TENM3: variants seen among roughly 807,000 people sequenced by gnomAD.
The protein encoded by TENM3 is teneurin transmembrane protein 3, also known as teneurin-3.
In TENM3, 63 loss-of-function variants were observed where a neutral mutation model predicts 255.1. The ratio of observed to expected loss-of-function variants is 0.25; its 90% CI spans 0.20 to 0.30. The LOEUF is 0.30. Among genes scored for constraint, TENM3 ranks in the 10% least tolerant of loss-of-function variants. TENM3 has a pLI of 1.00. For synonymous variants in TENM3, 1,306 were observed against 1,322.3 expected (o/e 0.99, Z 0.27); for missense variants, 2,929 against 3,461.1 (o/e 0.85, Z 3.86).
chr4:181,972,233 G>A, the TENM3 span, among the ~76,000 whole-genome samples: 1 of 151,792 alleles, frequency 6.6e-6, no homozygotes, highest in Non-Finnish European at 1.5e-5. Flanking sequence ...ACAAGCCTGG[G>A]CAGCAAGATA....
intron 3 of TENM3, among the ~76,000 whole-genome samples, chr4:182,404,072 G>A (rs950437307): frequency 6.6e-6 from 1 of 152,108 alleles, no homozygotes; most frequent in Admixed American, 6.6e-5. Context: ...TATTATCATC[G>A]TGCTTTAGAA....
intron 1 of TENM3, among the ~76,000 whole-genome samples, chr4:182,198,594 C>T (rs1349235352): frequency 6.6e-6 from 1 of 152,160 alleles, no homozygotes. Context: ...ACAAATGGCC[C>T]TGGGATGTGG....
chr4:182,332,735 T>C (rs1201008269), intron 2 of TENM3, among the ~76,000 whole-genome samples: 1 of 145,242 alleles, frequency 6.9e-6, no homozygotes, highest in African/African-American at 2.5e-5. Context: ...AAGAAATGAG[T>C]AGAGTACAAT....
the TENM3 span, among the ~76,000 whole-genome samples, chr4:181,931,327 C>G: frequency 2.0e-5 from 3 of 152,154 alleles, no homozygotes; most frequent in Non-Finnish European, 4.4e-5. Flanking sequence ...TCTCAAGATA[C>G]AAAATCAATA....
At chr4:182,558,939 G>C (rs1218194458) in intron 3 of TENM3, among the ~76,000 whole-genome samples, 1 of 152,060 alleles carries the variant, frequency 6.6e-6, no homozygotes, top group Non-Finnish European at 1.5e-5. Flanking sequence ...TGCCCATGCT[G>C]ATCCACCCTT....
At chr4:181,488,827 A>C in the TENM3 span, among the ~76,000 whole-genome samples, 1 of 152,164 alleles carries the variant, frequency 6.6e-6, no homozygotes, top group Non-Finnish European at 1.5e-5. Flanking sequence ...GAGCCACCAA[A>C]TAATACCGCT....
the TENM3 span, among the ~76,000 whole-genome samples, chr4:182,058,096 A>T: frequency 6.8e-6 from 1 of 147,408 alleles, no homozygotes; most frequent in African/African-American, 2.5e-5. Flanking sequence ...TTAATTAAAT[A>T]AGAAAGTAGC....
At chr4:182,153,805 A>G (rs1579521031) in intron 1 of TENM3, among the ~76,000 whole-genome samples, 1 of 152,286 alleles carries the variant, frequency 6.6e-6, no homozygotes, top group East Asian at 1.9e-4. Context: ...GGACAATGTG[A>G]GTTACTGAAA....
At chr4:181,622,938 A>G in the TENM3 span, among the ~76,000 whole-genome samples, 2 of 152,244 alleles carry the variant, frequency 1.3e-5, no homozygotes, top group South Asian at 4.1e-4. Flanking sequence ...CTTAATACAC[A>G]TTAACAATGC....
chr4:182,258,252 G>A (rs1040782012), intron 1 of TENM3, among the ~76,000 whole-genome samples: 3 of 151,970 alleles, frequency 2.0e-5, no homozygotes, highest in African/African-American at 7.3e-5. Context: ...ACTGAATTTA[G>A]TGGTAAACAA....
Position 182,333,245 on chromosome 4 carries a change from T to A in TENM3, c.232+8993T>A, listed in dbSNP as rs550262214. ...CCTTAATAACTAAACTTGATTAGAG[T>A]AGTACAAAAAAAGAAATCATACATA... On this transcript the variant is annotated intron_variant, in intron 2 of 27. Transcript: ENST00000511685. Among the ~76,000 whole-genome samples the A allele has an allele frequency of 2.0e-5, 3 of 152,186 alleles. No individual in the cohort carries two copies. The South Asian group carries it at 6.2e-4, about 32-fold the overall frequency.
chr4:182,542,019 T>C (rs896849510), intron 3 of TENM3, among the ~76,000 whole-genome samples: 5 of 152,052 alleles, frequency 3.3e-5, no homozygotes, highest in African/African-American at 1.2e-4. Context: ...GCTATGATCA[T>C]GCCACTGCAT....
At chr4:182,273,130 C>T (rs1341779924) in intron 1 of TENM3, among the ~76,000 whole-genome samples, 2 of 152,142 alleles carry the variant, frequency 1.3e-5, no homozygotes, top group Admixed American at 6.5e-5. Context: ...GACCAATCTT[C>T]CAGACATAAT....
chr4:182,417,964 T>C (rs1210776020), intron 3 of TENM3, among the ~76,000 whole-genome samples: 2 of 152,194 alleles, frequency 1.3e-5, no homozygotes, highest in Admixed American at 1.3e-4. Context: ...AAGATTTATG[T>C]GTACGTGGTT....
chr4:181,458,429 A>G, the TENM3 span, among the ~76,000 whole-genome samples: 1 of 151,872 alleles, frequency 6.6e-6, no homozygotes. Flanking sequence ...AACCCAATCC[A>G]TCATTGCTGT....
At chr4:181,455,006 C>G in the TENM3 span, among the ~76,000 whole-genome samples, 1 of 152,202 alleles carries the variant, frequency 6.6e-6, no homozygotes, top group Non-Finnish European at 1.5e-5. Context: ...CCAAATTATT[C>G]TCTGCTCAAC....
At chr4:182,037,145 C>CTT in the TENM3 span, among the ~76,000 whole-genome samples, 1 of 114,936 alleles carries the variant, frequency 8.7e-6, no homozygotes, top group African/African-American at 2.6e-5. Flanking sequence ...ATCCAAACTC[C>CTT]TTTTATTTTT....
At chr4:182,490,143 G>A (rs187717582) in intron 3 of TENM3, among the ~76,000 whole-genome samples, 38 of 152,192 alleles carry the variant, frequency 2.5e-4, no homozygotes, top group Non-Finnish European at 4.1e-4. Context: ...ACCACCGTTC[G>A]GACAATGTAG....
At chr4:181,621,948 T>C in the TENM3 span, among the ~76,000 whole-genome samples, 1 of 152,214 alleles carries the variant, frequency 6.6e-6, no homozygotes, top group African/African-American at 2.4e-5. Context: ...GAGCCTGTGA[T>C]ACCTTCCAAG....
Sources: gnomAD v4.1 joint callset for allele counts (sites outside exome capture counted in the v4.1 genomes callset) on GRCh38, gnomAD v4.1.1 for gene constraint, MANE v1.5 for transcripts, NCBI Gene and HGNC (gene_info 2026-07-23, HGNC 2026-07-21) for gene names.